The following BAZ2B variants were observed in gnomAD, a reference collection of about 807,000 sequenced individuals.
BAZ2B encodes the protein bromodomain adjacent to zinc finger domain protein 2B.
BAZ2B carries 91 observed loss-of-function variants against 246.0 expected under a neutral mutation model. That is an observed-to-expected ratio of 0.37 (90% CI 0.31 to 0.44). The LOEUF (loss-of-function observed/expected upper bound fraction) is 0.44, where lower values mean the gene tolerates loss of function less well. Ranked by LOEUF, BAZ2B falls within the 20% of genes least tolerant of loss-of-function variation. BAZ2B has a pLI of 1.00. For missense variants in BAZ2B, 2,332 were observed against 2,533.7 expected, an observed-to-expected ratio of 0.92 and a Z score of 1.71; for synonymous variants, 855 against 860.0, an observed-to-expected ratio of 0.99 and a Z score of 0.10.
chr2:159,377,041 C>T (rs922159549), intron 25 of BAZ2B, among the ~76,000 whole-genome samples: 2 of 152,122 alleles, frequency 1.3e-5, no homozygotes, highest in Non-Finnish European at 1.5e-5. Flanking sequence ...TAGGTCTCAA[C>T]ACAACTCTAC....
chr2:159,596,665 A>G (rs767835670), intron 1 of BAZ2B, among the ~76,000 whole-genome samples: 7 of 152,136 alleles, frequency 4.6e-5, no homozygotes, highest in Non-Finnish European at 7.3e-5. Flanking sequence ...GTAATCTTTT[A>G]TCCCTCAGCC....
chr2:159,556,016 A>G (rs936592432), intron 1 of BAZ2B, among the ~76,000 whole-genome samples, 151 bp from the exon 2 acceptor site: 1 of 152,248 alleles, frequency 6.6e-6, no homozygotes, highest in Admixed American at 6.5e-5. Context: ...AATCAGTATG[A>G]CAAAAATAAG....
At chr2:159,417,680 T>C (rs1355502658) in intron 13 of BAZ2B, among the ~76,000 whole-genome samples, 1 of 152,216 alleles carries the variant, frequency 6.6e-6, no homozygotes, top group Non-Finnish European at 1.5e-5. Flanking sequence ...TAATATATTA[T>C]AAAAATGAAG....
chr2:159,583,643 T>C (rs1014886618), intron 1 of BAZ2B, among the ~76,000 whole-genome samples: 4 of 152,032 alleles, frequency 2.6e-5, no homozygotes, highest in Non-Finnish European at 5.9e-5. Flanking sequence ...TACTCATTTG[T>C]GAACAAAAAG....
Position 159,397,271 on chromosome 2 carries a change from A to T in BAZ2B, c.3009+74T>A, listed in dbSNP as rs1242527854. On this transcript the variant is annotated intron_variant, in intron 19 of 36. Coordinates refer to ENST00000392783, the MANE Select transcript of BAZ2B (RefSeq NM_013450.4). Reference sequence around the variant, plus strand: ...AAATTTTAAAGAAAATATTTTGAAGATTTTCCCCCAAATAGGTTTAAGCAA... The same window carrying T: ...AAATTTTAAAGAAAATATTTTGAAGTTTTTCCCCCAAATAGGTTTAAGCAA... 3.8e-6 allele frequency: 5 copies of T among 1,325,992 alleles called. No homozygotes were observed. In the East Asian group the frequency reaches 1.2e-4, roughly 32 times the overall value. The allele number at this position is 1,325,992 out of a possible 1,614,324, so 82.1% of individuals were successfully genotyped here. A position where few individuals can be genotyped will look rare whatever the true frequency, so the allele number is the denominator to read the frequency against.
intron 3 of BAZ2B, 56 bp downstream of exon 3, chr2:159,478,519 T>A (rs1458586827): frequency 6.6e-7 from 1 of 1,519,928 alleles, no homozygotes; most frequent in East Asian, 2.4e-5. Flanking sequence ...AATAAAATAT[T>A]ATGCAAATTA....
chr2:159,548,192 C>T (rs1004250409), intron 2 of BAZ2B, among the ~76,000 whole-genome samples: 15 of 152,156 alleles, frequency 9.9e-5, no homozygotes, highest in Non-Finnish European at 1.3e-4. Context: ...TATTTTATAA[C>T]GTTACTGTAC....
chr2:159,441,354 T>C (rs2073351523), intron 6 of BAZ2B, among the ~76,000 whole-genome samples: 1 of 152,192 alleles, frequency 6.6e-6, no homozygotes, highest in Non-Finnish European at 1.5e-5. Flanking sequence ...GTGCATAACA[T>C]TCCTGAGTCC....
the BAZ2B span, among the ~76,000 whole-genome samples, chr2:159,666,869 C>A: frequency 3.3e-5 from 5 of 151,530 alleles, no homozygotes; most frequent in African/African-American, 7.3e-5. Context: ...AAAACCAAAC[C>A]AAACAAAACA....
At chr2:159,360,077 T>C (rs1273677085) in intron 27 of BAZ2B, among the ~76,000 whole-genome samples, 2 of 152,146 alleles carry the variant, frequency 1.3e-5, no homozygotes, top group Non-Finnish European at 2.9e-5. Flanking sequence ...ACCAATCCTA[T>C]TCAACATAGT....
chr2:159,613,216 C>T lies in BAZ2B; in HGVS notation c.-46+3026G>A, dbSNP rs932536126. ...TTTAATAAGTATTTCATAAATGATG[C>T]CAGCAGTATTCCAATAAATGCATTT... On this transcript the variant is annotated intron_variant, in intron 1 of 36. Coordinates refer to ENST00000392783, the MANE Select transcript of BAZ2B (RefSeq NM_013450.4). Among the ~76,000 whole-genome samples, 11 of 152,070 alleles carry T rather than the reference C, an allele frequency of 7.2e-5. No homozygotes were observed. In the East Asian group the frequency reaches 1.7e-3, roughly 24 times the overall value.
intron 27 of BAZ2B, among the ~76,000 whole-genome samples, chr2:159,368,397 T>TG (rs1446772353): frequency 6.6e-6 from 1 of 152,196 alleles, no homozygotes; most frequent in Admixed American, 6.5e-5. Context: ...ACAATACAGG[T>TG]GTAAATAAAC....
At chr2:159,519,205 ATTTTCTTTTTTTTTTTT>A (rs1362434882) in intron 2 of BAZ2B, among the ~76,000 whole-genome samples, 1 of 56,492 alleles carries the variant, frequency 1.8e-5, no homozygotes, top group African/African-American at 6.5e-5. Context: ...TTCATATTCT[ATTTTCTTTTTTTTTTTT>A]TTTTTTTTTT....
intron 2 of BAZ2B, among the ~76,000 whole-genome samples, chr2:159,526,956 T>G (rs2084814454): frequency 6.6e-6 from 1 of 152,030 alleles, no homozygotes; most frequent in South Asian, 2.1e-4. Flanking sequence ...TTCTTCCTTT[T>G]TTTTTTTTTG....
Position 159,324,866 on chromosome 2 carries a change from C to T in BAZ2B, c.6298G>A (p.Val2100Ile), listed in dbSNP as rs766990267. The change falls in exon 36 of 37, where the codon GTT becomes ATT. Residue 2100 changes from valine (V) to isoleucine (I), a missense_variant. Val to Ile is a conservative substitution (Grantham distance 29). Transcript: ENST00000392783. ...NLKLVPGYKKVIKKPMDFSTI... is the reference protein window; with the variant it reads ...NLKLVPGYKKIIKKPMDFSTI... ...GAAAAATCCATAGGCTTCTTAATAA[C>T]TTTCTTATAACCAGGAACAAGTTTC... is the stretch of plus-strand genomic sequence containing the variant. 30 of 1,553,146 alleles carry T rather than the reference C, an allele frequency of 1.9e-5. No individual in the cohort carries two copies. The East Asian group carries it at 2.8e-4, about 14-fold the overall frequency.
intron 34 of BAZ2B, among the ~76,000 whole-genome samples, chr2:159,332,244 C>T (rs571954841): frequency 6.6e-6 from 1 of 151,358 alleles, no homozygotes; most frequent in South Asian, 2.1e-4. Flanking sequence ...ATTCCAGTGA[C>T]TTGGCAGGCT....
intron 2 of BAZ2B, among the ~76,000 whole-genome samples, chr2:159,527,282 C>T (rs1378223340): frequency 6.6e-6 from 1 of 152,002 alleles, no homozygotes; most frequent in East Asian, 1.9e-4. Flanking sequence ...ATATCTTTTG[C>T]CCATTTTCTA....
intron 2 of BAZ2B, among the ~76,000 whole-genome samples, chr2:159,539,017 T>G (rs1464300456): frequency 6.6e-6 from 1 of 152,260 alleles, no homozygotes; most frequent in Non-Finnish European, 1.5e-5. Context: ...TCAGCATCAC[T>G]GTTCAAATAG....
At chr2:159,615,757 G>C (rs937884308) in intron 1 of BAZ2B, 2 of 152,286 alleles carry the variant, frequency 1.3e-5, no homozygotes, top group Non-Finnish European at 2.9e-5. Flanking sequence ...AAGCAAAACT[G>C]TTGGCGGCGA....
Sources: gnomAD v4.1 joint callset for allele counts (sites outside exome capture counted in the v4.1 genomes callset) on GRCh38, gnomAD v4.1.1 for gene constraint, MANE v1.5 for transcripts, NCBI Gene and HGNC (gene_info 2026-07-23, HGNC 2026-07-21) for gene names.